Variants in PPT2 observed in about 807,000 individuals in gnomAD.
PPT2 encodes lysosomal thioesterase PPT2.
Under a neutral mutation model 37.3 loss-of-function variants are expected in PPT2, and 20 were observed. The observed-to-expected ratio is 0.54, with a 90% confidence interval of 0.38 to 0.78. The LOEUF (loss-of-function observed/expected upper bound fraction) is 0.78, where lower values mean the gene tolerates loss of function less well. Ranked by LOEUF, PPT2 falls within the 30% of genes least tolerant of loss-of-function variation. PPT2 has a pLI of 0.00. For missense variants in PPT2, 270 were observed against 389.8 expected (o/e 0.69, Z 2.59); for synonymous variants, 135 against 159.1 (o/e 0.85, Z 1.14).
Position 32,163,268 on chromosome 6 carries a change from T to A in PPT2, c.*318T>A. The A allele has an allele frequency of 2.8e-6, 1 of 362,222 alleles. No individual in the cohort carries two copies. The highest frequency in any genetic ancestry group is 5.5e-5 in the South Asian group (1 of 18,086). 22.4% of individuals were successfully genotyped at this position (362,222 alleles called of 1,614,324 possible). ...TTTAACTTGTGGCTGCTTTTGCTGC[T>A]GCTGCTCCTCCGTATCTGGCTGTAT... On this transcript the variant is annotated 3_prime_UTR_variant, in exon 9 of 9. Coordinates refer to ENST00000324816, the MANE Select transcript of PPT2 (RefSeq NM_005155.7).
chr6:32,155,811 G>A lies in PPT2; in HGVS notation c.433+28G>A. The A allele has an allele frequency of 6.2e-7, 1 of 1,610,954 alleles. No homozygotes were observed. Among genetic ancestry groups the A allele is most frequent in the Non-Finnish European group, 8.5e-7 (1 of 1,177,142 alleles). On this transcript the variant is annotated intron_variant, in intron 4 of 8. Transcript: ENST00000324816. This position sits in a 1 kb window ranked among gnomAD's most constrained non-coding sequence, Gnocchi z 4.3. ...GAGTGGGCACTAGACTCCATAGAAT[G>A]CCCTGAGTTTTGGGGGAACAGAGGT... is the stretch of plus-strand genomic sequence containing the variant.
chr6:32,161,619 C>T (rs1331746482), intron 7 of PPT2, among the ~76,000 whole-genome samples: 1 of 137,444 alleles, frequency 7.3e-6, no homozygotes, highest in African/African-American at 2.8e-5. Context: ...GACAAAGTCT[C>T]ACTCTGTCGC....
rs34129552 is a variant in PPT2, at chr6:32,162,552, C to T, written c.711-16C>T. On this transcript the variant is annotated splice_polypyrimidine_tract_variant and intron_variant, in intron 7 of 8. Coordinates refer to ENST00000324816, the MANE Select transcript of PPT2 (RefSeq NM_005155.7). The surrounding 1 kb of genome is among the most constrained non-coding windows in gnomAD (Gnocchi z 5.5). Reference sequence around the variant, plus strand: ...CTCCAGCTCTTCTGATAACCTCCCCCCAAATCTCTTTGTAGCTTCTTTGGT... The same window carrying T: ...CTCCAGCTCTTCTGATAACCTCCCCTCAAATCTCTTTGTAGCTTCTTTGGT... 8 of 1,603,586 alleles carry T rather than the reference C, an allele frequency of 5.0e-6. No homozygotes were observed. The highest frequency in any genetic ancestry group is 1.7e-5 in the Admixed American group (1 of 60,008).
rs1306217637 is a variant in PPT2 at position 32,155,776 on chromosome 6, G to A, written c.426G>A (p.Gln142=). The change falls in exon 4 of 9, where the codon CAG becomes CAA. Residue 142 remains glutamine (Q), a synonymous_variant. Coordinates refer to ENST00000324816, the MANE Select transcript of PPT2 (RefSeq NM_005155.7). The surrounding 1 kb of genome is among the most constrained non-coding windows in gnomAD (Gnocchi z 4.3). ...FISLSSPQMG[Q]YGDTDYLKWL... ...CCCTCTCCTCTCCACAGATGGGACA[G>A]TATGGAGGTGAGTGGGCACTAGACT... The A allele has an allele frequency of 6.2e-7, 1 of 1,613,604 alleles. No homozygotes were observed. Among genetic ancestry groups the A allele is most frequent in the Admixed American group, 1.7e-5 (1 of 60,028 alleles).
upstream of PPT2, chr6:32,154,128 C>G: frequency 5.5e-6 from 6 of 1,087,680 alleles, no homozygotes; most frequent in Admixed American, 4.7e-5. The surrounding 1 kb of genome is among the most constrained non-coding windows in gnomAD (Gnocchi z 7.3). Context: ...GCCCGCCCTT[C>G]CCCCTCCCAT....
rs1285667158 is a variant in PPT2, at chr6:32,154,923, A to G, written c.184-107A>G. 9 of 1,548,264 alleles carry G rather than the reference A, an allele frequency of 5.8e-6. No homozygotes were observed. In the African/African-American group the frequency reaches 1.2e-4, roughly 21 times the overall value. ...GCGTGGGGGAGAGTTGGGGGACGGG[A>G]TCCCTGGTTCTAGCAGGGTACAATA... On this transcript the variant is annotated intron_variant, in intron 2 of 8. Coordinates refer to ENST00000324816, the MANE Select transcript of PPT2 (RefSeq NM_005155.7). This position sits in a 1 kb window ranked among gnomAD's most constrained non-coding sequence, Gnocchi z 7.3.
intron 7 of PPT2, 51 bp downstream of exon 7, chr6:32,157,975 C>T: frequency 1.4e-6 from 2 of 1,478,426 alleles, no homozygotes; most frequent in Non-Finnish European, 1.9e-6. Context: ...TCCCCCAACC[C>T]CAGTTGGTCT....
Position 32,162,959 on chromosome 6 carries a change from T to TC in PPT2, c.*10dup, listed in dbSNP as rs1387077231. ...AACCTTGGCTCTCCTGAGGATATAT[T>TC]CAGGGGTCCCCAGGAACTCCTCGGT... is the stretch of plus-strand genomic sequence containing the variant. On this transcript the variant is annotated 3_prime_UTR_variant, in exon 9 of 9. Transcript: ENST00000324816. The surrounding 1 kb of genome is among the most constrained non-coding windows in gnomAD (Gnocchi z 5.5). 2 of 1,607,068 alleles carry TC rather than the reference T, an allele frequency of 1.2e-6. No homozygotes were observed. The highest frequency in any genetic ancestry group is 1.7e-6 in the Non-Finnish European group (2 of 1,177,470).
chr6:32,153,794 C>A, upstream of PPT2: 1 of 1,098,546 alleles, frequency 9.1e-7, no homozygotes, highest in Non-Finnish European at 1.3e-6. This position sits in a 1 kb window ranked among gnomAD's most constrained non-coding sequence, Gnocchi z 4.4. Flanking sequence ...CTGGCCGCCC[C>A]TTGGGGAATG....
chr6:32,154,215 CG>C lies in PPT2; in HGVS notation c.-195del. 1 of 1,146,584 alleles carries C rather than the reference CG, an allele frequency of 8.7e-7. No individual in the cohort carries two copies. 71.0% of individuals were successfully genotyped at this position (1,146,584 alleles called of 1,614,324 possible). ...TTCCAGACTTGGGATAAGTAAACAG[CG>C]GGTGGAGCGAGGCCTACGGACCCAG... On this transcript the variant is annotated 5_prime_UTR_variant, in exon 1 of 9. Transcript: ENST00000324816. This position sits in a 1 kb window ranked among gnomAD's most constrained non-coding sequence, Gnocchi z 7.3.
upstream of PPT2, chr6:32,153,614 C>A: frequency 6.2e-7 from 1 of 1,602,780 alleles, no homozygotes; most frequent in Non-Finnish European, 8.5e-7. The surrounding 1 kb of genome is among the most constrained non-coding windows in gnomAD (Gnocchi z 4.4). Context: ...AAGGGCACTA[C>A]ACGCACTTCA....
Position 32,154,523 on chromosome 6 carries a change from C to T in PPT2, c.-8-64C>T. Reference sequence around the variant, plus strand: ...GAGAGGAGGTGGCTTGATTGCCGGGCGTCTGTTCCGAGGGAGGAGGGTGTT... The same window carrying T: ...GAGAGGAGGTGGCTTGATTGCCGGGTGTCTGTTCCGAGGGAGGAGGGTGTT... On this transcript the variant is annotated intron_variant, in intron 1 of 8. Transcript: ENST00000324816. This position sits in a 1 kb window ranked among gnomAD's most constrained non-coding sequence, Gnocchi z 7.3. 6.5e-7 allele frequency: 1 copy of T among 1,538,248 alleles called. No homozygotes were observed. Among genetic ancestry groups the T allele is most frequent in the Non-Finnish European group, 8.8e-7 (1 of 1,138,106 alleles).
At chr6:32,159,433 C>A (rs1419107893) in intron 7 of PPT2, among the ~76,000 whole-genome samples, 31 of 22,194 alleles carry the variant, frequency 1.4e-3, no homozygotes, top group South Asian at 5.5e-3. Flanking sequence ...AACTCCATCT[C>A]AAAAAAAAAA....
chr6:32,159,432 T>TG (rs1783996109), intron 7 of PPT2, among the ~76,000 whole-genome samples: 1 of 8,028 alleles, frequency 1.2e-4, no homozygotes, highest in African/African-American at 8.7e-4. Context: ...AAACTCCATC[T>TG]CAAAAAAAAA....
Position 32,154,985 on chromosome 6 carries a change from GCTT to G in PPT2, c.184-41_184-39del, listed in dbSNP as rs992272820. 3 of 1,609,896 alleles carry G rather than the reference GCTT, an allele frequency of 1.9e-6. No homozygotes were observed. In the African/African-American group the frequency reaches 4.0e-5, roughly 21 times the overall value. ...GCGGGCCAGGGGGTGGCGTGTGGGA[GCTT>G]CTTAGCCTATCCCCGGTGGCTGCAT... On this transcript the variant is annotated intron_variant, in intron 2 of 8. Coordinates refer to ENST00000324816, the MANE Select transcript of PPT2 (RefSeq NM_005155.7). This position sits in a 1 kb window ranked among gnomAD's most constrained non-coding sequence, Gnocchi z 7.3.
rs1561816035 is a variant in PPT2 at position 32,156,757 on chromosome 6, G to C, written c.541+779G>C. Among the ~76,000 whole-genome samples, 2 of 152,132 alleles carry C rather than the reference G, an allele frequency of 1.3e-5. No individual in the cohort carries two copies. Among genetic ancestry groups the C allele is most frequent in the Admixed American group, 1.3e-4 (2 of 15,264 alleles). On this transcript the variant is annotated intron_variant, in intron 5 of 8. Transcript: ENST00000324816. This position sits in a 1 kb window ranked among gnomAD's most constrained non-coding sequence, Gnocchi z 4.9. ...TTTGGGCAAGTTACTTAACCATTCT[G>C]TTACTCAGTTTTCCTTATCTGTAAA...
At chr6:32,158,937 A>G (rs1470374958) in intron 7 of PPT2, among the ~76,000 whole-genome samples, 1 of 152,212 alleles carries the variant, frequency 6.6e-6, no homozygotes, top group Non-Finnish European at 1.5e-5. Flanking sequence ...AGGCATGTCA[A>G]ACCTTAGCAG....
In PPT2 at chr6:32,156,776, C is replaced by G. The variant is rs1006192879; in HGVS notation, c.541+798C>G. On this transcript the variant is annotated intron_variant, in intron 5 of 8. Transcript: ENST00000324816. This position sits in a 1 kb window ranked among gnomAD's most constrained non-coding sequence, Gnocchi z 4.9. The stretch of plus-strand genomic sequence containing the variant: ...CATTCTGTTACTCAGTTTTCCTTAT[C>G]TGTAAAATATTATAGCATGTACTTC... Among the ~76,000 whole-genome samples, 7 of 152,244 alleles carry G rather than the reference C, an allele frequency of 4.6e-5. No homozygotes were observed. The highest frequency in any genetic ancestry group is 4.6e-4 in the Admixed American group (7 of 15,284).
Position 32,154,880 on chromosome 6 carries a change from C to G in PPT2, c.183+103C>G, listed in dbSNP as rs1488133010. ...CCACCCCTCTGGGCCTGCCCAGTTC[C>G]TCAGGGAGCTGGTGCTGGCGTGGGG... On this transcript the variant is annotated intron_variant, in intron 2 of 8. Coordinates refer to ENST00000324816, the MANE Select transcript of PPT2 (RefSeq NM_005155.7). This position sits in a 1 kb window ranked among gnomAD's most constrained non-coding sequence, Gnocchi z 7.3. 1 of 1,527,416 alleles carries G rather than the reference C, an allele frequency of 6.5e-7. No individual in the cohort carries two copies. The highest frequency in any genetic ancestry group is 8.9e-7 in the Non-Finnish European group (1 of 1,123,526). The allele number at this position is 1,527,416 out of a possible 1,614,324, so 94.6% of individuals were successfully genotyped here.
Sources: gnomAD v4.1 joint callset for allele counts (sites outside exome capture counted in the v4.1 genomes callset) on GRCh38, gnomAD v4.1.1 for gene constraint, Gnocchi (gnomAD v3.1) non-coding constraint, MANE v1.5 for transcripts, NCBI Gene and HGNC (gene_info 2026-07-23, HGNC 2026-07-21) for gene names.